MIP: variants seen among roughly 807,000 people sequenced by gnomAD.
MIP encodes the protein major intrinsic protein of lens fiber.
MIP carries 14 observed loss-of-function variants against 21.8 expected under a neutral mutation model. The ratio of observed to expected loss-of-function variants is 0.64; its 90% confidence interval spans 0.42 to 1.00. The LOEUF is 1.00. MIP is among the 50% of genes least tolerant of loss of function. MIP has a pLI of 0.00. For missense variants in MIP, 260 were observed against 333.5 expected, an observed-to-expected ratio of 0.78 and a Z score of 1.72; for synonymous variants, 133 against 141.4, an observed-to-expected ratio of 0.94 and a Z score of 0.42.
At chr12:56,452,422 C>T (rs1268751729) in intron 3 of MIP, among the ~76,000 whole-genome samples, 2 of 152,168 alleles carry the variant, frequency 1.3e-5, no homozygotes, top group African/African-American at 2.4e-5. Context: ...ATCCATTCAT[C>T]CACTGAGGAA....
chr12:56,451,027 A>G lies in MIP; in HGVS notation c.*253T>C. The G allele has an allele frequency of 2.0e-6, 1 of 509,054 alleles. No homozygotes were observed. The highest frequency in any genetic ancestry group is 3.5e-6 in the Non-Finnish European group (1 of 281,888). The allele number at this position is 509,054 out of a possible 1,614,324, so 31.5% of individuals were successfully genotyped here. On this transcript the variant is annotated 3_prime_UTR_variant, in exon 4 of 4. Coordinates refer to ENST00000652304, the MANE Select transcript of MIP (RefSeq NM_012064.4). ...CAGACACAGCCACACTCACATTCAT[A>G]TGCACAATCAGCACACACGGCGAAG... is the stretch of plus-strand genomic sequence containing the variant.
At chr12:56,456,465 C>T (rs557906024), upstream of MIP, among the ~76,000 whole-genome samples, 9 of 152,006 alleles carry the variant, frequency 5.9e-5, no homozygotes, top group South Asian at 2.1e-4. Flanking sequence ...AATGAAACCC[C>T]GTCTCTACTA....
rs1243767618 is a variant in MIP at position 56,454,382 on chromosome 12, C to T, written c.232G>A (p.Gly78Ser). 7 of 1,613,976 alleles carry T rather than the reference C, an allele frequency of 4.3e-6. No homozygotes were observed. The East Asian group carries it at 1.1e-4, about 26-fold the overall frequency. Residue 78 changes from glycine to serine, a missense_variant, in exon 1 of 4, where the codon GGC becomes AGC. Transcript: ENST00000652304. ...GCACGGAGCAGGGACATCTGGGAGC[C>T]CACAAGGAAAGCAAAAGTGACTGCA... ...NPAVTFAFLV[G>S]SQMSLLRAFC...
Position 56,450,032 on chromosome 12 carries a change from A to AC in MIP, c.*1247dup, listed in dbSNP as rs1868535061. On this transcript the variant is annotated 3_prime_UTR_variant, in exon 4 of 4. Coordinates refer to ENST00000652304, the MANE Select transcript of MIP (RefSeq NM_012064.4). The stretch of plus-strand genomic sequence containing the variant: ...ACTCCAACCTGGTCAACATAGTAAG[A>AC]CCCCCTCTCAAAAAAAAAAAGAAGA... 2.1e-5 allele frequency: 1 copy of AC among 46,810 alleles called. No individual in the cohort carries two copies. Among genetic ancestry groups the AC allele is most frequent in the African/African-American group, 4.7e-5 (1 of 21,452 alleles). The allele number at this position is 46,810 out of a possible 1,614,324, so 2.9% of individuals were successfully genotyped here. A position where few individuals can be genotyped will look rare whatever the true frequency, so the allele number is the denominator to read the frequency against.
chr12:56,449,675 G>C lies in MIP; in HGVS notation c.*1605C>G, dbSNP rs1171353872. 2 of 152,146 alleles carry C rather than the reference G, an allele frequency of 1.3e-5. No individual in the cohort carries two copies. The highest frequency in any genetic ancestry group is 4.8e-5 in the African/African-American group (2 of 41,414). 9.4% of individuals were successfully genotyped at this position (152,146 alleles called of 1,614,324 possible). A position where few individuals can be genotyped will look rare whatever the true frequency, so the allele number is the denominator to read the frequency against. ...CTTAAATAGTTAGTTAGAAAAGTTAGGTTTTATTTGGGAGGAAGTAAAGAG... is the reference window on the plus strand; with the variant it reads ...CTTAAATAGTTAGTTAGAAAAGTTACGTTTTATTTGGGAGGAAGTAAAGAG... On this transcript the variant is annotated 3_prime_UTR_variant, in exon 4 of 4. Coordinates refer to ENST00000652304, the MANE Select transcript of MIP (RefSeq NM_012064.4).
Position 56,454,416 on chromosome 12 carries a change from G to A in MIP, c.198C>T (p.His66=), listed in dbSNP as rs761525902. ...VQSVGHISGA[H]VNPAVTFAFL... ...AAGCAAAAGTGACTGCAGGATTGAC[G>A]TGGGCTCCACTGATGTGGCCCACAG... Residue 66 remains histidine (H), a synonymous_variant, in exon 1 of 4, where the codon CAC becomes CAT. Coordinates refer to ENST00000652304, the MANE Select transcript of MIP (RefSeq NM_012064.4). 1.7e-5 allele frequency: 27 copies of A among 1,614,012 alleles called. No homozygotes were observed. Among genetic ancestry groups the A allele is most frequent in the Admixed American group, 1.2e-4 (7 of 60,004 alleles).
At chr12:56,455,397 T>C (rs1868763569), upstream of MIP, among the ~76,000 whole-genome samples, 1 of 152,080 alleles carries the variant, frequency 6.6e-6, no homozygotes, top group African/African-American at 2.4e-5. Flanking sequence ...GGGATAGGAA[T>C]AAGAAAGGGA....
upstream of MIP, among the ~76,000 whole-genome samples, chr12:56,455,523 A>G (rs1868766804): frequency 6.6e-6 from 1 of 152,186 alleles, no homozygotes; most frequent in African/African-American, 2.4e-5. Context: ...GGGAAGGTCT[A>G]ATGTCCTTTA....
rs1287527948 is a variant in MIP at position 56,451,257 on chromosome 12, C to A, written c.*23G>T. ...TCCACGTAAACTCAGAAGCTTTCTACTCCCTCTATTCAGCTGGAGCTTCTA... is the reference window on the plus strand; with the variant it reads ...TCCACGTAAACTCAGAAGCTTTCTAATCCCTCTATTCAGCTGGAGCTTCTA... On this transcript the variant is annotated 3_prime_UTR_variant, in exon 4 of 4. Coordinates refer to ENST00000652304, the MANE Select transcript of MIP (RefSeq NM_012064.4). 1 of 1,610,430 alleles carries A rather than the reference C, an allele frequency of 6.2e-7. No individual in the cohort carries two copies. Among genetic ancestry groups the A allele is most frequent in the Non-Finnish European group, 8.5e-7 (1 of 1,178,028 alleles).
chr12:56,456,501 G>A (rs1868793419), upstream of MIP, among the ~76,000 whole-genome samples: 1 of 151,972 alleles, frequency 6.6e-6, no homozygotes. Flanking sequence ...AGCTGGCCAT[G>A]GTGGTGGGTA....
chr12:56,451,818 C>T (rs1351691836), intron 3 of MIP, among the ~76,000 whole-genome samples: 3 of 152,060 alleles, frequency 2.0e-5, no homozygotes, highest in Non-Finnish European at 4.4e-5. Flanking sequence ...ACAAGACGGG[C>T]GGATCACAAG....
intron 3 of MIP, chr12:56,452,629 G>C (rs545581229): frequency 4.7e-6 from 1 of 211,114 alleles, no homozygotes; most frequent in Non-Finnish European, 9.8e-6. Context: ...CACATTTCTC[G>C]TAATGTCCCA....
rs566166859 is a variant in MIP, at chr12:56,454,644, C to A, written c.-31G>T. The A allele has an allele frequency of 1.4e-5, 22 of 1,612,700 alleles. No individual in the cohort carries two copies. The South Asian group carries it at 2.0e-4, about 15-fold the overall frequency. ...GGGGGATGGTCACAGTGCCTGGGTCCCTGCTACCCCCATGGCCTTGTCTGG... is the reference window on the plus strand; with the variant it reads ...GGGGGATGGTCACAGTGCCTGGGTCACTGCTACCCCCATGGCCTTGTCTGG... On this transcript the variant is annotated 5_prime_UTR_variant, in exon 1 of 4. Transcript: ENST00000652304.
rs368415438 is a variant in MIP at position 56,454,530 on chromosome 12, C to A, written c.84G>T (p.Leu28=). The A allele has an allele frequency of 4.7e-5, 76 of 1,613,414 alleles. No individual in the cohort carries two copies. Among genetic ancestry groups the A allele is most frequent in the Non-Finnish European group, 6.3e-5 (74 of 1,179,670 alleles). The change falls in exon 1 of 4, where the codon CTG becomes CTT. Residue 28 remains leucine, a synonymous_variant. Transcript: ENST00000652304. Reference sequence around the variant, plus strand: ...CAGGAGCCCAGCGCAGTGAGGACCCCAGCCCAAAGAAGACATAGAAGAGGG... The same window carrying A: ...CAGGAGCCCAGCGCAGTGAGGACCCAAGCCCAAAGAAGACATAGAAGAGGG... The part of the protein sequence containing the change: ...FATLFYVFFG[L]GSSLRWAPGP...
In MIP at chr12:56,453,684, G is replaced by A. The variant is rs1488578580; in HGVS notation, c.432C>T (p.Cys144=). The change falls in exon 2 of 4, where the codon TGC becomes TGT. Residue 144 remains cysteine, a synonymous_variant. Coordinates refer to ENST00000652304, the MANE Select transcript of MIP (RefSeq NM_012064.4). ...EIFLTLQFVL[C]IFATYDERRN... ...GCCTCTCGTCGTATGTGGCAAAGAT[G>A]CAGAGCACGAACTGGAGCGTCAGGA... 2.5e-6 allele frequency: 4 copies of A among 1,614,104 alleles called. No individual in the cohort carries two copies. The highest frequency in any genetic ancestry group is 2.5e-6 in the Non-Finnish European group (3 of 1,180,042).
chr12:56,455,889 G>C (rs895400428), upstream of MIP, among the ~76,000 whole-genome samples: 1 of 152,134 alleles, frequency 6.6e-6, no homozygotes, highest in African/African-American at 2.4e-5. Flanking sequence ...GTACACCTGT[G>C]GGGAGAGAGA....
intron 1 of MIP, 59 bp from the exon 2 acceptor site, chr12:56,453,814 C>G: frequency 1.3e-6 from 2 of 1,541,120 alleles, no homozygotes; most frequent in Non-Finnish European, 1.8e-6. Flanking sequence ...GTTACCTCCT[C>G]AAGACTTCCC....
At chr12:56,454,863 G>A (rs1037831858), upstream of MIP, among the ~76,000 whole-genome samples, 1 of 152,160 alleles carries the variant, frequency 6.6e-6, no homozygotes, top group East Asian at 1.9e-4. Context: ...GTGGGATTGG[G>A]GTCACAGCAA....
At position 56,453,683 on chromosome 12, in the gene MIP, T is replaced by C; in HGVS notation, c.433A>G (p.Ile145Val). The C allele has an allele frequency of 6.2e-7, 1 of 1,614,220 alleles. No individual in the cohort carries two copies. ...CGCCTCTCGTCGTATGTGGCAAAGA[T>C]GCAGAGCACGAACTGGAGCGTCAGG... ...IFLTLQFVLCIFATYDERRNG... is the reference protein window; with the variant it reads ...IFLTLQFVLCVFATYDERRNG... Residue 145 changes from isoleucine to valine, a missense_variant, in exon 2 of 4, where the codon ATC becomes GTC. Ile to Val is a conservative substitution (Grantham distance 29). Transcript: ENST00000652304.
Sources: gnomAD v4.1 joint callset for allele counts (sites outside exome capture counted in the v4.1 genomes callset) on GRCh38, gnomAD v4.1.1 for gene constraint, MANE v1.5 for transcripts, NCBI Gene and HGNC (gene_info 2026-07-23, HGNC 2026-07-21) for gene names.